Variants in SHLD2 observed in about 807,000 individuals in gnomAD.
SHLD2 encodes RINN1-REV7-interacting novel NHEJ regulator 2.
Under a neutral mutation model 73.2 loss-of-function variants are expected in SHLD2, and 30 were observed. That is an observed-to-expected ratio of 0.41 (90% CI 0.31 to 0.56). SHLD2 has a LOEUF of 0.56. Among genes scored for constraint, SHLD2 ranks in the 20% least tolerant of loss-of-function variants. The pLI, the probability that SHLD2 is intolerant of heterozygous loss-of-function variation, is 0.28. For synonymous variants in SHLD2, 285 were observed against 370.1 expected, an observed-to-expected ratio of 0.77 and a Z score of 2.64; for missense variants, 745 against 1,055.9, an observed-to-expected ratio of 0.71 and a Z score of 4.08.
intron 2 of SHLD2, among the ~76,000 whole-genome samples, chr10:87,100,220 A>G (rs1842175765): frequency 6.6e-6 from 1 of 152,290 alleles, no homozygotes; most frequent in Admixed American, 6.5e-5. Context: ...GTTTTCTTCT[A>G]AGAGTTTCAT....
At chr10:87,142,116 C>A (rs1314611688) in intron 2 of SHLD2, among the ~76,000 whole-genome samples, 3 of 151,756 alleles carry the variant, frequency 2.0e-5, no homozygotes, top group South Asian at 2.1e-4. Context: ...TCAAAAAATT[C>A]TCTTGTACTT....
intron 2 of SHLD2, among the ~76,000 whole-genome samples, chr10:87,097,756 G>GGTTTT (rs1250337606): frequency 6.6e-6 from 1 of 151,904 alleles, no homozygotes; most frequent in Admixed American, 6.6e-5. Flanking sequence ...AAATCATCAT[G>GGTTTT]GTTTTGTTTT....
intron 8 of SHLD2, among the ~76,000 whole-genome samples, chr10:87,184,900 T>C (rs1564616684): frequency 6.6e-6 from 1 of 152,326 alleles, no homozygotes; most frequent in Non-Finnish European, 1.5e-5. Context: ...TACTGTCTTT[T>C]CTAGAAAACA....
intron 7 of SHLD2, among the ~76,000 whole-genome samples, chr10:87,177,900 G>A (rs1257248324): frequency 6.6e-6 from 1 of 152,186 alleles, no homozygotes; most frequent in Non-Finnish European, 1.5e-5. Flanking sequence ...TTTACAAAAT[G>A]ATAGGATTAT....
At chr10:87,117,685 C>T (rs1231973225) in intron 2 of SHLD2, among the ~76,000 whole-genome samples, 2 of 152,024 alleles carry the variant, frequency 1.3e-5, no homozygotes, top group Non-Finnish European at 2.9e-5. Context: ...GTCCCAGCTA[C>T]TTGAGAGGCT....
At chr10:87,126,549 A>G (rs1332722857) in intron 2 of SHLD2, among the ~76,000 whole-genome samples, 2 of 152,176 alleles carry the variant, frequency 1.3e-5, no homozygotes, top group African/African-American at 2.4e-5. Context: ...TAAAATGTTG[A>G]TGGCTGCTAT....
chr10:87,180,093 C>T lies in SHLD2; in HGVS notation c.2189C>T (p.Ala730Val), dbSNP rs1188572629. 6.2e-7 allele frequency: 1 copy of T among 1,613,652 alleles called. No homozygotes were observed. The highest frequency in any genetic ancestry group is 1.3e-5 in the African/African-American group (1 of 74,902). ...TTTGTAGGAGTGGTTCTGATTAAAG[C>T]CCAGATTTCAGAGCTGGCATTTCCT... ...DKCSGVVLIKAQISELAFPIT... is the reference protein window; with the variant it reads ...DKCSGVVLIKVQISELAFPIT... Residue 730 changes from alanine (A) to valine (V), a missense_variant, in exon 8 of 10, where the codon GCC becomes GTC. By Grantham distance (64) the Ala-to-Val change is moderately conservative. This residue lies in a region of SHLD2 where 418 missense variants were observed against 567.8 expected (regional missense o/e 0.74). Transcript: ENST00000298786.
At chr10:87,095,497 A>T in intron 1 of SHLD2, among the ~76,000 whole-genome samples, 1 of 152,020 alleles carries the variant, frequency 6.6e-6, no homozygotes, top group Non-Finnish European at 1.5e-5. Context: ...CCGGGCGTGC[A>T]GGGGCTGACA....
intron 4 of SHLD2, among the ~76,000 whole-genome samples, chr10:87,160,106 T>C (rs532441808): frequency 2.0e-5 from 3 of 152,104 alleles, no homozygotes; most frequent in Non-Finnish European, 4.4e-5. Context: ...TATATAACTT[T>C]AGTACAATAT....
intron 2 of SHLD2, among the ~76,000 whole-genome samples, chr10:87,111,602 C>T (rs1328146849): frequency 2.0e-5 from 3 of 146,484 alleles, no homozygotes; most frequent in Non-Finnish European, 4.5e-5. Flanking sequence ...GACCATGCCA[C>T]TGCACCCCAG....
chr10:87,094,762 C>T (rs762140962), upstream of SHLD2: 3 of 1,537,322 alleles, frequency 2.0e-6, no homozygotes, highest in Admixed American at 5.6e-5. The surrounding 1 kb of genome is among the most constrained non-coding windows in gnomAD (Gnocchi z 6.6). Flanking sequence ...GCCCAGGTAG[C>T]GGTACATGGC....
chr10:87,104,474 G>A (rs1463295897), intron 2 of SHLD2, among the ~76,000 whole-genome samples: 2 of 150,312 alleles, frequency 1.3e-5, no homozygotes, highest in African/African-American at 2.4e-5. Context: ...TTGAACCCGG[G>A]AGTGAGCCGA....
rs569639735 is a variant in SHLD2 at position 87,188,552 on chromosome 10, A to G, written c.2515+1352A>G. On this transcript the variant is annotated intron_variant, in intron 9 of 9. Transcript: ENST00000298786. ...ATGAGCACCTGGTGGAGGTGAGACTACTATGTGGAAGAGCCTGTGAGGATG... is the reference window on the plus strand; with the variant it reads ...ATGAGCACCTGGTGGAGGTGAGACTGCTATGTGGAAGAGCCTGTGAGGATG... Among the ~76,000 whole-genome samples the G allele has an allele frequency of 9.1e-4, 138 of 152,264 alleles. No homozygotes were observed. In the Middle Eastern group the frequency reaches 0.01, roughly 11 times the overall value.
intron 9 of SHLD2, among the ~76,000 whole-genome samples, chr10:87,189,281 G>A (rs1362821927): frequency 2.0e-5 from 3 of 152,218 alleles, no homozygotes; most frequent in African/African-American, 4.8e-5. Flanking sequence ...GATTACAGGC[G>A]TGAGCCACCG....
intron 2 of SHLD2, among the ~76,000 whole-genome samples, chr10:87,097,266 G>A (rs1276724623): frequency 6.6e-6 from 1 of 152,148 alleles, no homozygotes; most frequent in African/African-American, 2.4e-5. Flanking sequence ...CTGAATTCAA[G>A]AAGGTGGAAT....
chr10:87,099,931 C>T (rs945884958), intron 2 of SHLD2, among the ~76,000 whole-genome samples: 41 of 152,250 alleles, frequency 2.7e-4, no homozygotes, highest in Admixed American at 5.9e-4. Context: ...AATGTCTATT[C>T]AGATCCTTTG....
chr10:87,183,138 T>G (rs1848414232), intron 8 of SHLD2, among the ~76,000 whole-genome samples: 2 of 152,300 alleles, frequency 1.3e-5, no homozygotes, highest in South Asian at 4.1e-4. Flanking sequence ...TAAAAAGAAG[T>G]GGACAGATTT....
rs573931381 is a variant in SHLD2, at chr10:87,157,474, A to C, written c.1526-574A>C. Reference sequence around the variant, plus strand: ...CTGTTGGTATGTTTAGTTCTACCTGATTCTACTCTATCCGTCTTAGATATA... The same window carrying C: ...CTGTTGGTATGTTTAGTTCTACCTGCTTCTACTCTATCCGTCTTAGATATA... On this transcript the variant is annotated intron_variant, in intron 3 of 9. Coordinates refer to ENST00000298786, the MANE Select transcript of SHLD2 (RefSeq NM_001330112.2). Among the ~76,000 whole-genome samples, 4 of 152,238 alleles carry C rather than the reference A, an allele frequency of 2.6e-5. No homozygotes were observed. The East Asian group carries it at 7.7e-4, about 29-fold the overall frequency.
At chr10:87,179,696 C>G (rs1024046685) in intron 7 of SHLD2, among the ~76,000 whole-genome samples, 2 of 152,196 alleles carry the variant, frequency 1.3e-5, no homozygotes, top group Non-Finnish European at 2.9e-5. Context: ...CCACTGCGCC[C>G]GGCCCCTATT....
Sources: gnomAD v4.1 joint callset for allele counts (sites outside exome capture counted in the v4.1 genomes callset) on GRCh38, gnomAD v4.1.1 for gene constraint, gnomAD v4.1.1 regional missense constraint, Gnocchi (gnomAD v3.1) non-coding constraint, MANE v1.5 for transcripts, NCBI Gene and HGNC (gene_info 2026-07-23, HGNC 2026-07-21) for gene names.